The following COP1 variants were observed in gnomAD, a reference collection of about 807,000 sequenced individuals.
The protein encoded by COP1 is E3 ubiquitin-protein ligase COP1.
Under a neutral mutation model 101.3 loss-of-function variants are expected in COP1, and 24 were observed. The ratio of observed to expected loss-of-function variants is 0.24; its 90% CI spans 0.17 to 0.33. COP1 has a LOEUF of 0.33. Among genes scored for constraint, COP1 ranks in the 10% least tolerant of loss-of-function variants. The pLI is 1.00. For synonymous variants in COP1, 347 were observed against 341.9 expected (o/e 1.01, Z -0.17); for missense variants, 663 against 906.2 (o/e 0.73, Z 3.45).
chr1:176,109,797 T>A (rs1367215357), intron 9 of COP1, among the ~76,000 whole-genome samples: 2 of 152,206 alleles, frequency 1.3e-5, no homozygotes, highest in African/African-American at 4.8e-5. Flanking sequence ...CTCAGTATCA[T>A]GATAATAGCT....
chr1:176,207,017 G>C lies in COP1; in HGVS notation c.-39C>G. ...CCTCCAGCCGGGCGCTCGGAGGAGA[G>C]GGACCGCGACCTCGACCCTCCGCCG... is the stretch of plus-strand genomic sequence containing the variant. On this transcript the variant is annotated 5_prime_UTR_variant, in exon 1 of 20. Transcript: ENST00000367669. 4 of 1,360,422 alleles carry C rather than the reference G, an allele frequency of 2.9e-6. No homozygotes were observed. Among genetic ancestry groups the C allele is most frequent in the Non-Finnish European group, 3.8e-6 (4 of 1,059,734 alleles). The allele number at this position is 1,360,422 out of a possible 1,614,324, so 84.3% of individuals were successfully genotyped here. A position where few individuals can be genotyped will look rare whatever the true frequency, so the allele number is the denominator to read the frequency against.
rs762703205 is a variant in COP1 at position 176,027,597 on chromosome 1, T to C, written c.1704A>G (p.Arg568=). 1 of 1,613,052 alleles carries C rather than the reference T, an allele frequency of 6.2e-7. No individual in the cohort carries two copies. Among genetic ancestry groups the C allele is most frequent in the Non-Finnish European group, 8.5e-7 (1 of 1,179,190 alleles). Residue 568 remains arginine (R), a synonymous_variant, in exon 15 of 20, where the codon AGA becomes AGG. Transcript: ENST00000367669. ...CTGCACAGCCGAAAGCCAAATGGTA[T>C]CTGGAAGAGGGGCTGAATTTAACAC... ...VCCVKFSPSS[R]YHLAFGCADH... is the part of the protein sequence containing the mutation.
In COP1 at chr1:175,989,474, A is replaced by C; in HGVS notation, c.1735T>G (p.Cys579Gly). Residue 579 changes from cysteine (C) to glycine (G), a missense_variant, in exon 16 of 20, where the codon TGT (cysteine) becomes GGT (glycine). Physicochemically the swap from Cys to Gly is radical, Grantham distance 159. Transcript: ENST00000367669. ...TTACGAAGATCATAGTAGTGGACAC[A>C]GTGATCTAAAACAAAACAAAATTAG... ...YHLAFGCADH[C>G]VHYYDLRNTK... 6.6e-7 allele frequency: 1 copy of C among 1,524,168 alleles called. No individual in the cohort carries two copies. The highest frequency in any genetic ancestry group is 9.1e-7 in the Non-Finnish European group (1 of 1,098,904). The allele number at this position is 1,524,168 out of a possible 1,614,324, so 94.4% of individuals were successfully genotyped here.
At chr1:175,963,154 T>C (rs1434326971) in intron 18 of COP1, among the ~76,000 whole-genome samples, 2 of 152,144 alleles carry the variant, frequency 1.3e-5, no homozygotes, top group East Asian at 1.9e-4. Context: ...CTCATTACAA[T>C]GCACTATACC....
intron 4 of COP1, among the ~76,000 whole-genome samples, chr1:176,163,466 C>T (rs10913145): frequency 0.4 from 60,121 of 151,998 alleles, 12,103 homozygotes; most frequent in Middle Eastern, 0.45. Flanking sequence ...AGTGATCCTC[C>T]CACCTTGGCC....
chr1:175,947,095 G>T, intron 19 of COP1, 100 bp downstream of exon 19: 1 of 810,466 alleles, frequency 1.2e-6, no homozygotes, highest in African/African-American at 1.7e-5. Context: ...CCATGATTTG[G>T]GATGATCTCT....
At chr1:176,024,136 G>A (rs926087008) in intron 15 of COP1, among the ~76,000 whole-genome samples, 13 of 152,128 alleles carry the variant, frequency 8.5e-5, no homozygotes, top group East Asian at 1.9e-4. Context: ...GCTGGTGCCC[G>A]TAGTCCCAGC....
chr1:175,993,613 C>A (rs1659273111), intron 15 of COP1, among the ~76,000 whole-genome samples: 1 of 151,946 alleles, frequency 6.6e-6, no homozygotes, highest in African/African-American at 2.4e-5. Flanking sequence ...CCCTCAGGAG[C>A]CGATGAGATG....
intron 18 of COP1, among the ~76,000 whole-genome samples, chr1:175,947,800 G>A (rs1649376038): frequency 6.6e-6 from 1 of 152,090 alleles, no homozygotes. Flanking sequence ...AAAAATAAAA[G>A]GGAAAAAGAT....
intron 15 of COP1, among the ~76,000 whole-genome samples, chr1:175,991,801 T>A (rs1658555159): frequency 6.6e-6 from 1 of 152,196 alleles, no homozygotes; most frequent in African/African-American, 2.4e-5. Context: ...ATAATCAATA[T>A]CACTGTTTTC....
chr1:176,186,900 G>A (rs1200343339), intron 1 of COP1, among the ~76,000 whole-genome samples: 1 of 152,052 alleles, frequency 6.6e-6, no homozygotes, highest in Non-Finnish European at 1.5e-5. Flanking sequence ...GAAGGTTTCT[G>A]GCCTGAAAAC....
At chr1:176,156,558 C>A (rs574585135) in intron 5 of COP1, among the ~76,000 whole-genome samples, 38 of 152,204 alleles carry the variant, frequency 2.5e-4, no homozygotes, top group African/African-American at 8.7e-4. Context: ...TAAGGACACA[C>A]ACTTTATAAG....
intron 14 of COP1, among the ~76,000 whole-genome samples, chr1:176,037,122 G>C (rs967486153): frequency 1.3e-5 from 2 of 152,124 alleles, no homozygotes; most frequent in Non-Finnish European, 1.5e-5. Flanking sequence ...AAAAGAATAG[G>C]CCAGGCGCAG....
chr1:176,146,201 T>C (rs1369661967), intron 6 of COP1, among the ~76,000 whole-genome samples: 2 of 152,140 alleles, frequency 1.3e-5, no homozygotes, highest in Non-Finnish European at 2.9e-5. Flanking sequence ...TGGTACAAAT[T>C]TGCACAGAGA....
intron 9 of COP1, among the ~76,000 whole-genome samples, chr1:176,092,334 G>A (rs1436251034): frequency 6.6e-6 from 1 of 151,848 alleles, no homozygotes; most frequent in Non-Finnish European, 1.5e-5. Flanking sequence ...CTTGAGAAAG[G>A]GCAGAATTTC....
At chr1:175,964,056 T>C (rs529734082) in intron 18 of COP1, among the ~76,000 whole-genome samples, 29 of 152,324 alleles carry the variant, frequency 1.9e-4, no homozygotes, top group African/African-American at 7.0e-4. Flanking sequence ...ACTTTCCATG[T>C]ATTTTCTAAT....
chr1:176,189,743 A>G (rs929740426), intron 1 of COP1, among the ~76,000 whole-genome samples: 6 of 152,012 alleles, frequency 3.9e-5, no homozygotes, highest in African/African-American at 1.4e-4. Context: ...CAAAGGAAAA[A>G]GAAACATAAT....
intron 15 of COP1, among the ~76,000 whole-genome samples, chr1:176,006,326 T>A (rs1295003263): frequency 6.6e-6 from 1 of 152,230 alleles, no homozygotes; most frequent in Non-Finnish European, 1.5e-5. Flanking sequence ...TGTCTTTTCA[T>A]TGGAGCATTT....
At position 176,119,174 on chromosome 1, in the gene COP1, C is replaced by T. The variant is rs77620619; in HGVS notation, c.969-2493G>A. ...ATTGCATGCTATTTTCAGTTTACTCCATCCAGAGACTAAGAGGACTGAAAG... is the reference window on the plus strand; with the variant it reads ...ATTGCATGCTATTTTCAGTTTACTCTATCCAGAGACTAAGAGGACTGAAAG... On this transcript the variant is annotated intron_variant, in intron 8 of 19. Coordinates refer to ENST00000367669, the MANE Select transcript of COP1 (RefSeq NM_022457.7). Among the ~76,000 whole-genome samples the T allele has an allele frequency of 9.3e-3, 1,412 of 152,284 alleles. 24 individuals carry two copies. The highest frequency in any genetic ancestry group is 0.032 in the African/African-American group (1,342 of 41,554).
Sources: allele counts gnomAD v4.1 joint callset (sites outside exome capture counted in the v4.1 genomes callset), GRCh38; gene constraint gnomAD v4.1.1; transcripts MANE v1.5; gene names NCBI Gene and HGNC (gene_info 2026-07-23, HGNC 2026-07-21).